The following LRFN2 variants were observed in gnomAD, a reference collection of about 807,000 sequenced individuals.
LRFN2 encodes leucine rich repeat and fibronectin type III domain containing 2.
In LRFN2, 18 loss-of-function variants were observed where a neutral mutation model predicts 37.3. The observed-to-expected ratio is 0.48, with a 90% CI of 0.33 to 0.72. LRFN2 has a LOEUF of 0.72. Ranked by LOEUF, LRFN2 falls within the 30% of genes least tolerant of loss-of-function variation. The pLI, the probability that LRFN2 is intolerant of heterozygous loss-of-function variation, is 0.02. For synonymous variants in LRFN2, 556 were observed against 466.6 expected (o/e 1.19, Z -2.47); for missense variants, 1,006 against 1,060.7 (o/e 0.95, Z 0.72).
rs1463421741 is a variant in LRFN2 at position 40,392,155 on chromosome 6, G to A, written c.2158C>T (p.Arg720Cys). 7 of 1,606,346 alleles carry A rather than the reference G, an allele frequency of 4.4e-6. No homozygotes were observed. Among genetic ancestry groups the A allele is most frequent in the Non-Finnish European group, 1.7e-6 (2 of 1,176,176 alleles). ...TCCCCCATGTCGAAGGAGTGGCTGCGTTTGGCCTTGCCCTCCAACGGCAAG... is the reference window on the plus strand; with the variant it reads ...TCCCCCATGTCGAAGGAGTGGCTGCATTTGGCCTTGCCCTCCAACGGCAAG... ...LPLPLEGKAK[R>C]SHSFDMGDFA... Residue 720 changes from arginine to cysteine, a missense_variant, in exon 3 of 3, where the codon CGC becomes TGC. Arg to Cys is a radical substitution (Grantham distance 180, BLOSUM62 -3). Coordinates refer to ENST00000338305, the MANE Select transcript of LRFN2 (RefSeq NM_020737.3). This position sits in a 1 kb window ranked among gnomAD's most constrained non-coding sequence, Gnocchi z 4.7.
chr6:40,507,900 A>C (rs1315575040), intron 1 of LRFN2, among the ~76,000 whole-genome samples: 6 of 152,198 alleles, frequency 3.9e-5, no homozygotes, highest in Non-Finnish European at 8.8e-5. Flanking sequence ...AAGATGAATA[A>C]TGGCTAACAA....
chr6:40,472,258 C>T (rs529291788), intron 1 of LRFN2, among the ~76,000 whole-genome samples: 12 of 152,328 alleles, frequency 7.9e-5, no homozygotes, highest in African/African-American at 2.9e-4. Flanking sequence ...ATAGGTGTTT[C>T]CAGGTCAAGA....
In LRFN2 at chr6:40,392,433, A is replaced by G; in HGVS notation, c.1880T>C (p.Leu627Pro). 6.4e-7 allele frequency: 1 copy of G among 1,566,496 alleles called. No individual in the cohort carries two copies. The highest frequency in any genetic ancestry group is 8.7e-7 in the Non-Finnish European group (1 of 1,155,588). The change falls in exon 3 of 3, where the codon CTG (leucine) becomes CCG (proline). Residue 627 changes from leucine to proline, a missense_variant. Coordinates refer to ENST00000338305, the MANE Select transcript of LRFN2 (RefSeq NM_020737.3). This position sits in a 1 kb window ranked among gnomAD's most constrained non-coding sequence, Gnocchi z 4.7. ...RASDSSSSSS[L>P]GSGEAAGLGR... ...CAGCCCCGCAGCCTCCCCACTGCCCAGGGAGCTGGAGGAAGAGGAGTCACT... is the reference window on the plus strand; with the variant it reads ...CAGCCCCGCAGCCTCCCCACTGCCCGGGGAGCTGGAGGAAGAGGAGTCACT...
intron 2 of LRFN2, among the ~76,000 whole-genome samples, chr6:40,414,250 G>T (rs1432875891): frequency 6.6e-6 from 1 of 152,176 alleles, no homozygotes; most frequent in Non-Finnish European, 1.5e-5. Flanking sequence ...GGCCCACACT[G>T]TGGGCACTCA....
intron 1 of LRFN2, among the ~76,000 whole-genome samples, chr6:40,509,935 C>T (rs1158621752): frequency 6.7e-6 from 1 of 150,064 alleles, no homozygotes; most frequent in African/African-American, 2.5e-5. Flanking sequence ...GAACACTGTG[C>T]TGTGCAGGTA....
At chr6:40,576,612 A>G (rs1263410379) in intron 1 of LRFN2, among the ~76,000 whole-genome samples, 1 of 152,172 alleles carries the variant, frequency 6.6e-6, no homozygotes, top group Non-Finnish European at 1.5e-5. Flanking sequence ...CTGGAGCCGC[A>G]GGTACCTGCA....
At chr6:40,413,936 T>C (rs961578568) in intron 2 of LRFN2, among the ~76,000 whole-genome samples, 12 of 152,166 alleles carry the variant, frequency 7.9e-5, no homozygotes, top group African/African-American at 2.9e-4. Flanking sequence ...GTTAGTAGAT[T>C]GGGCGACCAG....
intron 1 of LRFN2, among the ~76,000 whole-genome samples, chr6:40,484,793 T>C (rs1764916461): frequency 6.6e-6 from 1 of 152,228 alleles, no homozygotes; most frequent in Admixed American, 6.5e-5. Context: ...AGGAATGCAG[T>C]CCTTGTAGGC....
chr6:40,405,069 G>C (rs2436719), intron 2 of LRFN2, among the ~76,000 whole-genome samples: 50,039 of 152,144 alleles, frequency 0.33, 9,077 homozygotes, highest in South Asian at 0.61. Flanking sequence ...TAGCCAGCCT[G>C]TGTCTTTGGG....
chr6:40,554,773 G>A (rs1766837693), intron 1 of LRFN2, among the ~76,000 whole-genome samples: 2 of 151,842 alleles, frequency 1.3e-5, no homozygotes, highest in African/African-American at 2.4e-5. Context: ...CTGAAAAATC[G>A]CTCTTGTCCT....
At chr6:40,421,887 T>G (rs1763236599) in intron 2 of LRFN2, among the ~76,000 whole-genome samples, 1 of 152,224 alleles carries the variant, frequency 6.6e-6, no homozygotes, top group Non-Finnish European at 1.5e-5. Context: ...TTTATGAAGA[T>G]GTTCTTCTTT....
chr6:40,586,387 A>G (rs1392326277), intron 1 of LRFN2, among the ~76,000 whole-genome samples: 1 of 152,116 alleles, frequency 6.6e-6, no homozygotes, highest in African/African-American at 2.4e-5. Flanking sequence ...GCCTGAGGCC[A>G]GCATAGGGTC....
chr6:40,470,723 G>A (rs184183364), intron 1 of LRFN2, among the ~76,000 whole-genome samples: 1 of 152,150 alleles, frequency 6.6e-6, no homozygotes, highest in Non-Finnish European at 1.5e-5. Context: ...CAGGCCCCAG[G>A]TTCAGCCCAC....
chr6:40,473,444 C>T (rs1322483276), intron 1 of LRFN2, among the ~76,000 whole-genome samples: 1 of 152,180 alleles, frequency 6.6e-6, no homozygotes, highest in Non-Finnish European at 1.5e-5. Context: ...GTTTCCACTC[C>T]CAGTCATTGG....
At chr6:40,497,949 C>T (rs992609709) in intron 1 of LRFN2, among the ~76,000 whole-genome samples, 2 of 152,190 alleles carry the variant, frequency 1.3e-5, no homozygotes, top group African/African-American at 2.4e-5. Flanking sequence ...TGGGGAACAG[C>T]CCTGAGAGGG....
chr6:40,399,466 C>A (rs766072443), intron 2 of LRFN2, among the ~76,000 whole-genome samples: 2 of 130,432 alleles, frequency 1.5e-5, no homozygotes, highest in Non-Finnish European at 3.2e-5. Flanking sequence ...GACACAGTCT[C>A]ACTCTGTAGC....
intron 2 of LRFN2, among the ~76,000 whole-genome samples, chr6:40,421,109 T>TGTGAGC (rs1763218971): frequency 6.6e-6 from 1 of 152,182 alleles, no homozygotes; most frequent in Non-Finnish European, 1.5e-5. Flanking sequence ...AGGTAGAGAA[T>TGTGAGC]GTGAGCAAGA....
chr6:40,488,003 G>A (rs1443264005), intron 1 of LRFN2, among the ~76,000 whole-genome samples: 1 of 152,136 alleles, frequency 6.6e-6, no homozygotes, highest in Non-Finnish European at 1.5e-5. Flanking sequence ...AGGCTCCCCA[G>A]TCACAGCAGC....
intron 1 of LRFN2, among the ~76,000 whole-genome samples, chr6:40,463,654 C>T (rs936474691): frequency 5.6e-5 from 8 of 142,486 alleles, no homozygotes; most frequent in Non-Finnish European, 1.2e-4. Context: ...ATACATCATA[C>T]TATTTCTTTC....
Sources: allele counts gnomAD v4.1 joint callset (sites outside exome capture counted in the v4.1 genomes callset), GRCh38; gene constraint gnomAD v4.1.1; non-coding constraint Gnocchi (gnomAD v3.1); transcripts MANE v1.5; gene names NCBI Gene and HGNC (gene_info 2026-07-23, HGNC 2026-07-21).